PIGN: variants seen among roughly 807,000 people sequenced by gnomAD.
PIGN encodes GPI ethanolamine phosphate transferase 1.
In PIGN, 117 loss-of-function variants were observed where a neutral mutation model predicts 125.4. The observed-to-expected ratio is 0.93, with a 90% CI of 0.80 to 1.09. PIGN has a LOEUF of 1.09. Among genes scored for constraint, PIGN ranks in the 50% least tolerant of loss-of-function variants. The pLI is 0.00. For missense variants in PIGN, 1,075 were observed against 1,094.9 expected, an observed-to-expected ratio of 0.98 and a Z score of 0.26; for synonymous variants, 392 against 377.8, an observed-to-expected ratio of 1.04 and a Z score of -0.44.
intron 14 of PIGN, 70 bp downstream of exon 14, chr18:62,138,173 T>C: frequency 6.5e-7 from 1 of 1,526,912 alleles, no homozygotes; most frequent in South Asian, 1.3e-5. Context: ...ATCCTATCAC[T>C]CAGTGAAAAA....
At chr18:62,099,227 G>C (rs1381990521) in intron 22 of PIGN, among the ~76,000 whole-genome samples, 2 of 151,974 alleles carry the variant, frequency 1.3e-5, no homozygotes, top group Non-Finnish European at 2.9e-5. Flanking sequence ...GATTCAAAAA[G>C]GCTAAAAATA....
At chr18:62,177,709 T>C (rs1021380953) in intron 1 of PIGN, among the ~76,000 whole-genome samples, 13 of 152,248 alleles carry the variant, frequency 8.5e-5, no homozygotes, top group African/African-American at 2.9e-4. Flanking sequence ...GCCTTTTGTT[T>C]AGTAACTTTT....
At chr18:62,037,463 T>C (rs2030276048), downstream of PIGN, among the ~76,000 whole-genome samples, 1 of 152,250 alleles carries the variant, frequency 6.6e-6, no homozygotes, top group Non-Finnish European at 1.5e-5. Context: ...GGCCCCATCG[T>C]GCAGACAAAG....
chr18:62,105,795 A>G (rs2034616857), intron 19 of PIGN, among the ~76,000 whole-genome samples, 161 bp from the exon 20 acceptor site: 1 of 152,226 alleles, frequency 6.6e-6, no homozygotes, highest in Non-Finnish European at 1.5e-5. Flanking sequence ...TCAACAGCTA[A>G]CTACTTTAAA....
intron 1 of PIGN, among the ~76,000 whole-genome samples, chr18:62,181,678 C>T (rs2037722518): frequency 6.6e-6 from 1 of 151,998 alleles, no homozygotes; most frequent in Non-Finnish European, 1.5e-5. Context: ...TCCTAAAGTG[C>T]TGGGATTACA....
chr18:62,147,149 C>A lies in PIGN; in HGVS notation c.675-48G>T, dbSNP rs757843767. 3 of 1,531,220 alleles carry A rather than the reference C, an allele frequency of 2.0e-6. 1 individual carries two copies. The highest frequency in any genetic ancestry group is 2.6e-6 in the Non-Finnish European group (3 of 1,133,310). 94.9% of individuals were successfully genotyped at this position (1,531,220 alleles called of 1,614,324 possible). A position where few individuals can be genotyped will look rare whatever the true frequency, so the allele number is the denominator to read the frequency against. ...ACAAATTAAATTAATTTGGAGAAAT[C>A]AAATTTATTCAACGTGGATTCATTA... On this transcript the variant is annotated intron_variant, in intron 8 of 30. Transcript: ENST00000640252.
At chr18:62,079,730 AC>A (rs1330399277) in intron 28 of PIGN, among the ~76,000 whole-genome samples, 1 of 151,580 alleles carries the variant, frequency 6.6e-6, no homozygotes, top group African/African-American at 2.4e-5. Flanking sequence ...AAAAAAAAAA[AC>A]TCTGGCAGGA....
chr18:62,029,321 C>T (rs1232887990), intron 23 of PIGN, among the ~76,000 whole-genome samples: 2 of 152,164 alleles, frequency 1.3e-5, no homozygotes, highest in African/African-American at 4.8e-5. Context: ...TTTCTCACCA[C>T]CTGCAAAGCC....
At chr18:62,111,581 T>C (rs978505175) in intron 16 of PIGN, among the ~76,000 whole-genome samples, 1 of 152,226 alleles carries the variant, frequency 6.6e-6, no homozygotes, top group African/African-American at 2.4e-5. Flanking sequence ...GTTGGTTATA[T>C]GTGTACATCT....
At chr18:62,125,420 T>C (rs1189298439) in intron 14 of PIGN, among the ~76,000 whole-genome samples, 1 of 152,086 alleles carries the variant, frequency 6.6e-6, no homozygotes. Flanking sequence ...ATAGTCTTTC[T>C]AGTAGACATG....
At chr18:62,153,395 T>C (rs1387460841) in intron 7 of PIGN, 1 of 152,114 alleles carries the variant, frequency 6.6e-6, no homozygotes, top group African/African-American at 2.4e-5. Context: ...TCAAGACTAG[T>C]AGTGTTGAAA....
At chr18:62,040,728 C>T (rs1445760345), downstream of PIGN, among the ~76,000 whole-genome samples, 1 of 152,138 alleles carries the variant, frequency 6.6e-6, no homozygotes, top group East Asian at 1.9e-4. Context: ...TTCTCATCAG[C>T]AAGGAGAGGA....
intron 12 of PIGN, 119 bp from the exon 13 acceptor site, chr18:62,139,194 T>C (rs1051161515): frequency 5.6e-6 from 3 of 538,876 alleles, no homozygotes; most frequent in African/African-American, 1.9e-5. Flanking sequence ...ATAATTGAAA[T>C]AGTTAAATGA....
At chr18:62,084,046 C>T (rs1166305491) in intron 27 of PIGN, among the ~76,000 whole-genome samples, 3 of 152,134 alleles carry the variant, frequency 2.0e-5, no homozygotes, top group African/African-American at 7.2e-5. Context: ...AGAATCTGAA[C>T]CCCTGGAAAG....
intron 1 of PIGN, among the ~76,000 whole-genome samples, chr18:62,170,609 G>T (rs530900733): frequency 6.6e-6 from 1 of 152,192 alleles, no homozygotes; most frequent in South Asian, 2.1e-4. Context: ...CAACTAAATT[G>T]AAATTAGGAC....
Position 62,140,476 on chromosome 18 carries a change from C to A in PIGN, c.967G>T (p.Asp323Tyr). Reference sequence around the variant, plus strand: ...AGGGAAGTCATCAATGGTGCAATATCAGCCTACAAATAAAAAAGCTCAATT... The same window carrying A: ...AGGGAAGTCATCAATGGTGCAATATAAGCCTACAAATAAAAAAGCTCAATT... ...NWKRLDVNQA[D>Y]IAPLMTSLIG... is the part of the protein sequence containing the mutation. Residue 323 changes from aspartate (D) to tyrosine (Y), a missense_variant, in exon 12 of 31, where the codon GAT becomes TAT. Asp to Tyr is a radical substitution (Grantham distance 160). Around this residue, in one of 3 missense-constraint regions of PIGN, gnomAD observed 915 missense variants for 908.7 expected, o/e 1.01. Coordinates refer to ENST00000640252, the MANE Select transcript of PIGN (RefSeq NM_176787.5). 6.5e-7 allele frequency: 1 copy of A among 1,536,414 alleles called. No homozygotes were observed. Among genetic ancestry groups the A allele is most frequent in the Non-Finnish European group, 8.9e-7 (1 of 1,121,798 alleles).
chr18:62,079,441 C>T (rs2033342420), intron 28 of PIGN, among the ~76,000 whole-genome samples: 2 of 152,140 alleles, frequency 1.3e-5, no homozygotes, highest in African/African-American at 4.8e-5. Flanking sequence ...TAAAATAAAA[C>T]TGAAAATGGC....
intron 30 of PIGN, among the ~76,000 whole-genome samples, chr18:62,053,623 T>C (rs1411668502): frequency 6.6e-6 from 1 of 152,120 alleles, no homozygotes; most frequent in Non-Finnish European, 1.5e-5. Context: ...AGTGGCTATA[T>C]TAATATCAGA....
At chr18:62,078,470 C>G (rs544268735) in intron 28 of PIGN, among the ~76,000 whole-genome samples, 1 of 152,178 alleles carries the variant, frequency 6.6e-6, no homozygotes, top group African/African-American at 2.4e-5. Flanking sequence ...CTAACCATTA[C>G]GCACACTGCC....
Sources: gnomAD v4.1 joint callset for allele counts (sites outside exome capture counted in the v4.1 genomes callset) on GRCh38, gnomAD v4.1.1 for gene constraint, gnomAD v4.1.1 regional missense constraint, MANE v1.5 for transcripts, NCBI Gene and HGNC (gene_info 2026-07-23, HGNC 2026-07-21) for gene names.